AIG1: variants seen among roughly 807,000 people sequenced by gnomAD.
AIG1 encodes androgen-induced gene 1 protein.
A neutral mutation model predicts 31.4 loss-of-function variants in AIG1; 23 were observed. The observed-to-expected ratio is 0.73, with a 90% CI of 0.53 to 1.04. The LOEUF is 1.04. Among genes scored for constraint, AIG1 ranks in the 50% least tolerant of loss-of-function variants. AIG1 has a pLI of 0.00. For synonymous variants in AIG1, 100 were observed against 110.5 expected, an observed-to-expected ratio of 0.90 and a Z score of 0.60; for missense variants, 274 against 295.0, an observed-to-expected ratio of 0.93 and a Z score of 0.52.
At chr6:143,152,033 C>A (rs1277674198) in intron 2 of AIG1, among the ~76,000 whole-genome samples, 3 of 152,176 alleles carry the variant, frequency 2.0e-5, no homozygotes, top group African/African-American at 7.2e-5. Flanking sequence ...CATTTTTCTT[C>A]TGTTAACATA....
chr6:143,070,868 A>G (rs1009683040), intron 1 of AIG1, among the ~76,000 whole-genome samples: 1 of 152,224 alleles, frequency 6.6e-6, no homozygotes, highest in African/African-American at 2.4e-5. Flanking sequence ...ACCCTTTTAT[A>G]TTTAATTGAC....
chr6:143,253,612 A>G (rs1795165288), intron 3 of AIG1, among the ~76,000 whole-genome samples: 1 of 152,214 alleles, frequency 6.6e-6, no homozygotes, highest in Non-Finnish European at 1.5e-5. Context: ...TCATGAGCTG[A>G]TGGTCACCAA....
chr6:143,131,623 G>A (rs1029215201), intron 1 of AIG1, among the ~76,000 whole-genome samples: 8 of 152,196 alleles, frequency 5.3e-5, no homozygotes, highest in African/African-American at 9.7e-5. Flanking sequence ...ACAAGGAGCC[G>A]AGAGTGACCC....
At chr6:143,109,919 G>GT (rs1781126150) in intron 1 of AIG1, among the ~76,000 whole-genome samples, 1 of 151,998 alleles carries the variant, frequency 6.6e-6, no homozygotes, top group African/African-American at 2.4e-5. Flanking sequence ...TTGCATTGTT[G>GT]TTTTTTGTCC....
intron 1 of AIG1, among the ~76,000 whole-genome samples, chr6:143,129,773 G>T (rs988837784): frequency 6.6e-6 from 1 of 151,642 alleles, no homozygotes; most frequent in African/African-American, 2.4e-5. Flanking sequence ...ACAAAAAATT[G>T]TTGAGTAATT....
intron 2 of AIG1, among the ~76,000 whole-genome samples, chr6:143,161,778 AAGAAT>A (rs1786405874): frequency 6.6e-6 from 1 of 152,138 alleles, no homozygotes; most frequent in Admixed American, 6.5e-5. Context: ...CAAATAAAGT[AAGAAT>A]AGAAGAGATT....
intron 1 of AIG1, among the ~76,000 whole-genome samples, chr6:143,100,268 C>T (rs1337850889): frequency 6.6e-6 from 1 of 152,116 alleles, no homozygotes; most frequent in Non-Finnish European, 1.5e-5. Context: ...AGAGGGCTTC[C>T]CTTTGCTCTT....
intron 1 of AIG1, among the ~76,000 whole-genome samples, chr6:143,078,275 G>A (rs1777909235): frequency 6.6e-6 from 1 of 152,068 alleles, no homozygotes; most frequent in African/African-American, 2.4e-5. Flanking sequence ...CATTTTAACA[G>A]TGTTCATCTT....
intron 3 of AIG1, among the ~76,000 whole-genome samples, chr6:143,262,411 C>T (rs986290662): frequency 6.6e-6 from 1 of 152,156 alleles, no homozygotes; most frequent in African/African-American, 2.4e-5. Context: ...TACACTGATT[C>T]TGCAGCTGGA....
At chr6:143,189,192 G>T in intron 3 of AIG1, 1 of 411,846 alleles carries the variant, frequency 2.4e-6, no homozygotes, top group Non-Finnish European at 3.3e-6. Flanking sequence ...CACAGATGTG[G>T]ACCACCACCC....
At chr6:143,270,491 T>C (rs1275267285) in intron 3 of AIG1, among the ~76,000 whole-genome samples, 1 of 152,216 alleles carries the variant, frequency 6.6e-6, no homozygotes, top group Non-Finnish European at 1.5e-5. Flanking sequence ...GTCATTTTCT[T>C]TTTGCAAAGC....
intron 5 of AIG1, chr6:143,335,120 G>A: frequency 2.8e-6 from 4 of 1,428,036 alleles, no homozygotes; most frequent in Non-Finnish European, 3.7e-6. Context: ...TTTGTGCCAA[G>A]TAAGTATCAT....
At chr6:143,205,354 T>C (rs370404529) in intron 3 of AIG1, among the ~76,000 whole-genome samples, 17 of 152,358 alleles carry the variant, frequency 1.1e-4, no homozygotes, top group African/African-American at 4.1e-4. Flanking sequence ...AAAGCTGCAG[T>C]GACCATGGCT....
chr6:143,060,976 C>G lies in AIG1; in HGVS notation c.51C>G (p.Tyr17Ter), dbSNP rs1776188809. The change falls in exon 1 of 6, where the codon TAC (tyrosine) becomes TAG (stop). Residue 17 changes from tyrosine to a stop codon, truncating the protein, a stop_gained. Coordinates refer to ENST00000357847, the MANE Select transcript of AIG1 (RefSeq NM_016108.4). LOFTEE classifies it high-confidence loss of function. The stretch of plus-strand genomic sequence containing the variant: ...TGCGGATGGCAATCCTGCTGTCTTA[C>G]TGCTCTATCCTGTGTAACTACAAGG... ...QVLRMAILLS[Y>*]CSILCNYKAI... is the part of the protein sequence containing the mutation. 10 of 1,612,962 alleles carry G rather than the reference C, an allele frequency of 6.2e-6. No individual in the cohort carries two copies. Among genetic ancestry groups the G allele is most frequent in the South Asian group, 5.5e-5 (5 of 91,042 alleles).
At chr6:143,267,250 G>C (rs1461000664) in intron 3 of AIG1, among the ~76,000 whole-genome samples, 1 of 152,196 alleles carries the variant, frequency 6.6e-6, no homozygotes, top group Non-Finnish European at 1.5e-5. Flanking sequence ...AGAAGGGCTT[G>C]TTAGACTTCC....
At chr6:143,075,292 TTC>T (rs1777632454) in intron 1 of AIG1, among the ~76,000 whole-genome samples, 1 of 152,126 alleles carries the variant, frequency 6.6e-6, no homozygotes, top group East Asian at 1.9e-4. Context: ...TTTCATTGAT[TTC>T]TCTCTTTTTT....
chr6:143,210,573 T>G (rs1258621440), intron 3 of AIG1, among the ~76,000 whole-genome samples: 1 of 152,162 alleles, frequency 6.6e-6, no homozygotes, highest in Non-Finnish European at 1.5e-5. Context: ...TCTGTGTACT[T>G]GAAAGAGCCC....
At chr6:143,139,707 T>G (rs919460443) in intron 2 of AIG1, among the ~76,000 whole-genome samples, 1 of 152,144 alleles carries the variant, frequency 6.6e-6, no homozygotes, top group South Asian at 2.1e-4. Context: ...TCTCCTCTCC[T>G]CTGTTTTAAG....
At chr6:143,067,099 G>A (rs974512081) in intron 1 of AIG1, among the ~76,000 whole-genome samples, 1 of 152,036 alleles carries the variant, frequency 6.6e-6, no homozygotes, top group Non-Finnish European at 1.5e-5. Flanking sequence ...CCAGGAGTTC[G>A]AGTTTGCAAT....
Sources: gnomAD v4.1 joint callset for allele counts (sites outside exome capture counted in the v4.1 genomes callset) on GRCh38, gnomAD v4.1.1 for gene constraint, MANE v1.5 for transcripts, NCBI Gene and HGNC (gene_info 2026-07-23, HGNC 2026-07-21) for gene names.